The following FNDC1 variants were observed in gnomAD, a reference collection of about 807,000 sequenced individuals.
FNDC1 encodes the protein fibronectin type III domain containing 1, also known as fibronectin type III domain-containing protein 1.
In FNDC1, 96 loss-of-function variants were observed where a neutral mutation model predicts 168.0. The ratio of observed to expected loss-of-function variants is 0.57; its 90% CI spans 0.48 to 0.68. The LOEUF is 0.68. Among genes scored for constraint, FNDC1 ranks in the 30% least tolerant of loss-of-function variants. FNDC1 has a pLI of 0.00. For missense variants in FNDC1, 2,587 were observed against 2,482.1 expected (o/e 1.04, Z -0.90); for synonymous variants, 1,099 against 1,025.9 (o/e 1.07, Z -1.36).
At chr6:159,229,725 G>A (rs914599574) in intron 9 of FNDC1, 90 bp from the exon 10 acceptor site, 63 of 1,162,102 alleles carry the variant, frequency 5.4e-5, no homozygotes, top group African/African-American at 2.6e-4. Context: ...AGTAATGCAC[G>A]TTCTAATTCG....
chr6:159,261,078 A>T (rs1382756437), intron 18 of FNDC1, 112 bp from the exon 19 acceptor site: 2 of 742,064 alleles, frequency 2.7e-6, no homozygotes, highest in Non-Finnish European at 2.3e-6. Context: ...ATTTGTAAAA[A>T]GTAGAACTCA....
At chr6:159,190,976 G>A (rs1432197191) in intron 1 of FNDC1, among the ~76,000 whole-genome samples, 1 of 152,154 alleles carries the variant, frequency 6.6e-6, no homozygotes, top group Non-Finnish European at 1.5e-5. Flanking sequence ...ATTGACTCAC[G>A]GTTCTTCAGG....
chr6:159,181,848 C>T (rs1781886680), intron 1 of FNDC1, among the ~76,000 whole-genome samples: 1 of 152,224 alleles, frequency 6.6e-6, no homozygotes, highest in Non-Finnish European at 1.5e-5. Context: ...CTACCACAGA[C>T]AGTCCATGGG....
At chr6:159,245,098 A>T (rs562770547) in intron 14 of FNDC1, among the ~76,000 whole-genome samples, 1 of 152,242 alleles carries the variant, frequency 6.6e-6, no homozygotes, top group South Asian at 2.1e-4. Flanking sequence ...CATTTATAAA[A>T]CCATCAGATC....
intron 19 of FNDC1, among the ~76,000 whole-genome samples, chr6:159,263,405 A>G (rs1035590885): frequency 1.3e-5 from 2 of 152,166 alleles, no homozygotes; most frequent in African/African-American, 2.4e-5. Flanking sequence ...TTACTGTATG[A>G]TATTTTTTTC....
intron 16 of FNDC1, 56 bp downstream of exon 16, chr6:159,249,238 A>C: frequency 6.5e-7 from 1 of 1,530,918 alleles, no homozygotes. Flanking sequence ...TGGTCTTTGA[A>C]GAAAAACATT....
At position 159,261,176 on chromosome 6, in the gene FNDC1, T is replaced by C; in HGVS notation, c.5175-14T>C. Reference sequence around the variant, plus strand: ...TACATGTCTCTTTCAAAATATATCTTCTTCCAACTTCAGGTATTATTTTAA... The same window carrying C: ...TACATGTCTCTTTCAAAATATATCTCCTTCCAACTTCAGGTATTATTTTAA... On this transcript the variant is annotated splice_polypyrimidine_tract_variant and intron_variant, in intron 18 of 22. Transcript: ENST00000297267. The C allele has an allele frequency of 1.3e-6, 2 of 1,596,336 alleles. No homozygotes were observed. The highest frequency in any genetic ancestry group is 1.7e-6 in the Non-Finnish European group (2 of 1,166,844).
At chr6:159,177,813 T>C (rs969524623) in intron 1 of FNDC1, among the ~76,000 whole-genome samples, 8 of 152,278 alleles carry the variant, frequency 5.3e-5, no homozygotes, top group Admixed American at 1.3e-4. Context: ...TTTACTTTAG[T>C]GGAGTGTCGT....
intron 1 of FNDC1, among the ~76,000 whole-genome samples, chr6:159,191,034 G>A (rs1362183576): frequency 6.6e-6 from 1 of 152,214 alleles, no homozygotes; most frequent in Non-Finnish European, 1.5e-5. Context: ...TACAAGCTTG[G>A]CGGAAAGCAA....
intron 5 of FNDC1, among the ~76,000 whole-genome samples, chr6:159,216,056 G>T (rs953627263): frequency 6.6e-6 from 1 of 152,232 alleles, no homozygotes; most frequent in South Asian, 2.1e-4. Flanking sequence ...CCGCCTCCCG[G>T]GTTCAGGCGA....
intron 11 of FNDC1, among the ~76,000 whole-genome samples, chr6:159,234,931 T>C (rs1409194426): frequency 6.6e-6 from 1 of 152,252 alleles, no homozygotes; most frequent in Non-Finnish European, 1.5e-5. Context: ...AAGGGATCCA[T>C]AGAAGCTGGT....
Position 159,169,632 on chromosome 6 carries a change from G to A in FNDC1, c.36G>A (p.Pro12=), listed in dbSNP as rs1781606212. 4 of 1,144,716 alleles carry A rather than the reference G, an allele frequency of 3.5e-6. No individual in the cohort carries two copies. Among genetic ancestry groups the A allele is most frequent in the Non-Finnish European group, 4.3e-6 (4 of 933,002 alleles). 70.9% of individuals were successfully genotyped at this position (1,144,716 alleles called of 1,614,324 possible). The stretch of plus-strand genomic sequence containing the variant: ...AGGCCGGGGCGACCCTGCGCGCGCC[G>A]CGCCGGCTGTCCTGGGCGGCGCTGC... ...APEAGATLRA[P]RRLSWAALLL... is the part of the protein sequence containing the mutation. Residue 12 remains proline, a synonymous_variant, in exon 1 of 23, where the codon CCG becomes CCA. Coordinates refer to ENST00000297267, the MANE Select transcript of FNDC1 (RefSeq NM_032532.3). The surrounding 1 kb of genome is among the most constrained non-coding windows in gnomAD (Gnocchi z 6.8).
At chr6:159,184,618 G>C (rs1781954373) in intron 1 of FNDC1, among the ~76,000 whole-genome samples, 1 of 152,120 alleles carries the variant, frequency 6.6e-6, no homozygotes, top group South Asian at 2.1e-4. Flanking sequence ...TTCTAAGGGT[G>C]TTTTTCAGGG....
chr6:159,179,696 T>C (rs1434556330), intron 1 of FNDC1, among the ~76,000 whole-genome samples: 1 of 152,202 alleles, frequency 6.6e-6, no homozygotes, highest in Non-Finnish European at 1.5e-5. Flanking sequence ...TTTGCTGGAA[T>C]GTAAGCTCCA....
intron 1 of FNDC1, among the ~76,000 whole-genome samples, chr6:159,176,065 T>A (rs1052562619): frequency 6.6e-6 from 1 of 152,252 alleles, no homozygotes; most frequent in Non-Finnish European, 1.5e-5. Flanking sequence ...TGGGCTCTGC[T>A]ATTTAGGGAC....
intron 17 of FNDC1, among the ~76,000 whole-genome samples, chr6:159,254,857 G>A (rs1777340860): frequency 6.6e-6 from 1 of 152,006 alleles, no homozygotes. Flanking sequence ...GCATCTTCAA[G>A]TCTCCTTCTA....
intron 1 of FNDC1, among the ~76,000 whole-genome samples, chr6:159,170,742 C>G (rs1781636280): frequency 6.6e-6 from 1 of 152,162 alleles, no homozygotes; most frequent in South Asian, 2.1e-4. Context: ...GATACATCAT[C>G]CCAATGCTTG....
At chr6:159,266,878 G>A (rs567768019) in intron 21 of FNDC1, among the ~76,000 whole-genome samples, 94 of 151,914 alleles carry the variant, frequency 6.2e-4, no homozygotes, top group African/African-American at 2.2e-3. Flanking sequence ...ATCATGGTGG[G>A]AGATTAAAAC....
intron 1 of FNDC1, among the ~76,000 whole-genome samples, chr6:159,190,912 C>T (rs142935880): frequency 3.2e-4 from 49 of 152,242 alleles, no homozygotes; most frequent in African/African-American, 1.0e-3. Context: ...TTCGTTCTCA[C>T]GCTGCTGTAA....
Sources: gnomAD v4.1 joint callset for allele counts (sites outside exome capture counted in the v4.1 genomes callset) on GRCh38, gnomAD v4.1.1 for gene constraint, Gnocchi (gnomAD v3.1) non-coding constraint, MANE v1.5 for transcripts, NCBI Gene and HGNC (gene_info 2026-07-23, HGNC 2026-07-21) for gene names.